The following PACRG variants were observed in gnomAD, a reference collection of about 807,000 sequenced individuals.
PACRG encodes parkin coregulated gene protein.
In PACRG, 29 loss-of-function variants were observed where a neutral mutation model predicts 29.7. The ratio of observed to expected loss-of-function variants is 0.98; its 90% CI spans 0.73 to 1.33. The LOEUF is 1.33. Ranked by LOEUF, PACRG falls within the 40% of genes most tolerant of loss-of-function variation. PACRG has a pLI of 0.00. For missense variants in PACRG, 279 were observed against 316.2 expected, an observed-to-expected ratio of 0.88 and a Z score of 0.89; for synonymous variants, 116 against 118.7, an observed-to-expected ratio of 0.98 and a Z score of 0.15.
chr6:162,938,038 C>A (rs774170081), intron 2 of PACRG, among the ~76,000 whole-genome samples: 2 of 152,012 alleles, frequency 1.3e-5, no homozygotes, highest in Non-Finnish European at 2.9e-5. Context: ...AGACTTTTAT[C>A]CCTCACCCCC....
At chr6:162,949,173 TA>T (rs1343826050) in intron 2 of PACRG, among the ~76,000 whole-genome samples, 3 of 152,228 alleles carry the variant, frequency 2.0e-5, no homozygotes, top group African/African-American at 7.2e-5. Context: ...TATTCAGCCT[TA>T]AAAAAATTGA....
At chr6:162,815,422 A>G (rs191966077) in intron 2 of PACRG, among the ~76,000 whole-genome samples, 58 of 149,794 alleles carry the variant, frequency 3.9e-4, no homozygotes, top group African/African-American at 1.3e-3. Context: ...GTCTTTTGAA[A>G]TATTTTCATA....
intron 4 of PACRG, among the ~76,000 whole-genome samples, chr6:163,139,065 A>G (rs57010913): frequency 0.21 from 32,649 of 152,162 alleles, 4,988 homozygotes; most frequent in African/African-American, 0.43. Flanking sequence ...GGTGGCTTGC[A>G]GAATGTGTTC....
chr6:162,995,919 G>A (rs972667467), intron 2 of PACRG, among the ~76,000 whole-genome samples: 4 of 152,100 alleles, frequency 2.6e-5, no homozygotes, highest in African/African-American at 4.8e-5. Flanking sequence ...ATATCTCTTC[G>A]TGATCCTGAT....
chr6:163,004,685 A>C (rs1170476270), intron 2 of PACRG, among the ~76,000 whole-genome samples: 5 of 147,068 alleles, frequency 3.4e-5, no homozygotes, highest in Non-Finnish European at 7.4e-5. Context: ...ACCATATCAA[A>C]TGTATACAAA....
intron 4 of PACRG, among the ~76,000 whole-genome samples, chr6:163,281,489 C>T (rs913859385): frequency 1.3e-5 from 2 of 151,704 alleles, no homozygotes; most frequent in African/African-American, 2.4e-5. Flanking sequence ...AAGGCCAGAT[C>T]AAAACATTGG....
chr6:163,036,903 TCCA>T (rs1808250953), intron 2 of PACRG, among the ~76,000 whole-genome samples: 1 of 140,300 alleles, frequency 7.1e-6, no homozygotes, highest in East Asian at 2.3e-4. Context: ...CATCCATCCA[TCCA>T]TCCATCCATT....
chr6:162,995,055 G>T (rs1562813076), intron 2 of PACRG, among the ~76,000 whole-genome samples: 1 of 151,254 alleles, frequency 6.6e-6, no homozygotes, highest in Non-Finnish European at 1.5e-5. Context: ...GGCTGCTCAG[G>T]GGTCAGGGGT....
At chr6:162,990,130 G>T (rs1484746244) in intron 2 of PACRG, among the ~76,000 whole-genome samples, 2 of 151,726 alleles carry the variant, frequency 1.3e-5, no homozygotes, top group African/African-American at 4.8e-5. Flanking sequence ...TCTTAATCCA[G>T]CCTATCATTG....
At chr6:163,050,309 G>A (rs1809861886) in intron 2 of PACRG, among the ~76,000 whole-genome samples, 1 of 151,878 alleles carries the variant, frequency 6.6e-6, no homozygotes, top group African/African-American at 2.4e-5. Context: ...AGTCTAAAGG[G>A]TATCAATAAC....
rs368878258 is a variant in PACRG at position 163,250,883 on chromosome 6, G to GTATATATATATATATATATATA, written c.614-63941_614-63920dup. Among the ~76,000 whole-genome samples the GTATATATATATATATATATATA allele has an allele frequency of 6.7e-4, 93 of 138,048 alleles. 1 individual carries two copies. Among genetic ancestry groups the GTATATATATATATATATATATA allele is most frequent in the African/African-American group, 2.5e-3 (92 of 36,462 alleles). The allele number at this position is 138,048 out of a possible 152,430, so 90.6% of individuals were successfully genotyped here. On this transcript the variant is annotated intron_variant, in intron 4 of 4. Coordinates refer to ENST00000366888, the MANE Select transcript of PACRG (RefSeq NM_001080379.2). ...TCAATGAGTGGATAAAGAAATTGTTGTATATATATATATATATATATATAC... is the reference window on the plus strand; with the variant it reads ...TCAATGAGTGGATAAAGAAATTGTTGTATATATATATATATATATATATATATATATATATATATATATATAC...
In PACRG at chr6:163,247,761, C is replaced by T. The variant is rs567525739; in HGVS notation, c.614-67066C>T. On this transcript the variant is annotated intron_variant, in intron 4 of 4. Coordinates refer to ENST00000366888, the MANE Select transcript of PACRG (RefSeq NM_001080379.2). ...CTGTTAACACAACCTCCTACTTCAC[C>T]GTCTACCTGCCACTGTCCCATCTCA... Among the ~76,000 whole-genome samples, 8 of 152,250 alleles carry T rather than the reference C, an allele frequency of 5.3e-5. No individual in the cohort carries two copies. The South Asian group carries it at 6.2e-4, about 12-fold the overall frequency.
At chr6:162,781,440 G>T (rs946264652) in intron 1 of PACRG, among the ~76,000 whole-genome samples, 2 of 151,912 alleles carry the variant, frequency 1.3e-5, no homozygotes, top group South Asian at 2.1e-4. Context: ...ACAGAGGAAA[G>T]AAGGGACCAG....
At chr6:163,060,598 C>T in intron 2 of PACRG, among the ~76,000 whole-genome samples, 1 of 152,152 alleles carries the variant, frequency 6.6e-6, no homozygotes, top group East Asian at 1.9e-4. Flanking sequence ...TGGACATTGC[C>T]TCTTCCCTGC....
At chr6:162,823,687 A>G (rs527267835) in intron 2 of PACRG, among the ~76,000 whole-genome samples, 221 of 151,218 alleles carry the variant, frequency 1.5e-3, no homozygotes, top group African/African-American at 5.2e-3. Flanking sequence ...AATTTTTTCT[A>G]TTTTTTTAGT....
intron 3 of PACRG, among the ~76,000 whole-genome samples, chr6:163,073,781 A>G (rs1812292454): frequency 6.6e-6 from 1 of 152,248 alleles, no homozygotes; most frequent in African/African-American, 2.4e-5. Flanking sequence ...ATATCTGAAT[A>G]GACATTTCTC....
At chr6:162,914,508 G>GTTTTTTTTTTTTTTTTT (rs3028611) in intron 2 of PACRG, among the ~76,000 whole-genome samples, 3 of 95,098 alleles carry the variant, frequency 3.2e-5, no homozygotes, top group Non-Finnish European at 6.3e-5. Flanking sequence ...GTACTTTTTT[G>GTTTTTTTTTTTTTTTTT]TTTTTTTTTT....
chr6:162,919,347 G>T lies in PACRG; in HGVS notation c.291+105066G>T, dbSNP rs558801849. On this transcript the variant is annotated intron_variant, in intron 2 of 4. Transcript: ENST00000366888. Reference sequence around the variant, plus strand: ...TTCCCAATGTCCAGGGTCCAGATACGAAGTTGGGTGTTAATTTCCCTGGTA... The same window carrying T: ...TTCCCAATGTCCAGGGTCCAGATACTAAGTTGGGTGTTAATTTCCCTGGTA... Among the ~76,000 whole-genome samples, 6 of 152,286 alleles carry T rather than the reference G, an allele frequency of 3.9e-5. No homozygotes were observed. The East Asian group carries it at 1.2e-3, about 29-fold the overall frequency.
chr6:162,842,652 G>A, intron 2 of PACRG, among the ~76,000 whole-genome samples: 1 of 99,714 alleles, frequency 1.0e-5, no homozygotes, highest in Admixed American at 1.1e-4. Context: ...ATGTTAGCTG[G>A]TGATTTTGCT....
Sources: allele counts gnomAD v4.1 joint callset (sites outside exome capture counted in the v4.1 genomes callset), GRCh38; gene constraint gnomAD v4.1.1; transcripts MANE v1.5; gene names NCBI Gene and HGNC (gene_info 2026-07-23, HGNC 2026-07-21).